The following ELP4 variants were observed in gnomAD, a reference collection of about 807,000 sequenced individuals.
The protein encoded by ELP4 is elongator complex protein 4.
In ELP4, 51 loss-of-function variants were observed where a neutral mutation model predicts 48.9. That is an observed-to-expected ratio of 1.04 (90% confidence interval 0.83 to 1.32). The LOEUF is 1.32. Ranked by LOEUF, ELP4 falls within the 40% of genes most tolerant of loss-of-function variation. The pLI is 0.00. For missense variants in ELP4, 519 were observed against 514.6 expected (o/e 1.01, Z -0.08); for synonymous variants, 210 against 189.2 (o/e 1.11, Z -0.90).
chr11:31,731,567 G>GGT (rs148076836), intron 9 of ELP4, among the ~76,000 whole-genome samples: 48,441 of 142,678 alleles, frequency 0.34, 8,763 homozygotes, highest in East Asian at 0.48. Flanking sequence ...CCATTAAGCA[G>GGT]GTGTGTGTGT....
At chr11:31,763,651 A>G (rs1466062909) in intron 9 of ELP4, 2 of 1,171,192 alleles carry the variant, frequency 1.7e-6, no homozygotes, top group Non-Finnish European at 2.3e-6. Context: ...GTGTTCACAT[A>G]CTGCTATTTA....
rs1056548740 is a variant in ELP4 at position 31,604,032 on chromosome 11, A to G, written c.653+125A>G. The G allele has an allele frequency of 1.3e-5, 9 of 683,708 alleles. No individual in the cohort carries two copies. The South Asian group carries it at 1.3e-4, about 10-fold the overall frequency. 42.4% of individuals were successfully genotyped at this position (683,708 alleles called of 1,614,324 possible). A position where few individuals can be genotyped will look rare whatever the true frequency, so the allele number is the denominator to read the frequency against. On this transcript the variant is annotated intron_variant, in intron 5 of 9. Transcript: ENST00000640961. ...TCATAATAATAAATATTAGTTTTCTATATAATTTGTAACTTCAAGTCTATG... is the reference window on the plus strand; with the variant it reads ...TCATAATAATAAATATTAGTTTTCTGTATAATTTGTAACTTCAAGTCTATG...
intron 9 of ELP4, among the ~76,000 whole-genome samples, chr11:31,674,699 T>C (rs187893335): frequency 1.3e-5 from 2 of 152,334 alleles, no homozygotes; most frequent in East Asian, 3.9e-4. Flanking sequence ...TAAAAGCCTC[T>C]TCCCTACAAC....
At chr11:31,638,963 G>C (rs1214650881) in intron 7 of ELP4, among the ~76,000 whole-genome samples, 1 of 151,670 alleles carries the variant, frequency 6.6e-6, no homozygotes, top group Non-Finnish European at 1.5e-5. Flanking sequence ...ATAAATTTTG[G>C]GAAAATATTT....
intron 3 of ELP4, among the ~76,000 whole-genome samples, chr11:31,552,505 C>T (rs1347535546): frequency 6.6e-6 from 1 of 152,158 alleles, no homozygotes; most frequent in Non-Finnish European, 1.5e-5. Context: ...CAAGCCTGTT[C>T]CTTTTTCAGC....
chr11:31,539,850 A>T, intron 3 of ELP4, 67 bp downstream of exon 3: 6 of 1,372,552 alleles, frequency 4.4e-6, no homozygotes, highest in Non-Finnish European at 5.9e-6. Flanking sequence ...TTATATATGT[A>T]AACAAGATAT....
intron 9 of ELP4, among the ~76,000 whole-genome samples, chr11:31,668,991 C>G (rs971785292): frequency 5.3e-5 from 8 of 152,160 alleles, no homozygotes; most frequent in Middle Eastern, 6.8e-3. Context: ...CCAGCCTCAC[C>G]TCTTGTCTCA....
intron 9 of ELP4, among the ~76,000 whole-genome samples, chr11:31,661,371 T>A (rs1002189098): frequency 2.0e-5 from 3 of 152,194 alleles, no homozygotes; most frequent in African/African-American, 7.2e-5. Context: ...CTATTTCAAG[T>A]AATCTTCTCT....
chr11:31,695,719 T>C (rs1407751785), intron 9 of ELP4, among the ~76,000 whole-genome samples: 1 of 147,062 alleles, frequency 6.8e-6, no homozygotes, highest in African/African-American at 2.5e-5. Flanking sequence ...TTTCTATTGA[T>C]TGGAATAGTT....
At chr11:31,524,515 T>G (rs1242967536) in intron 2 of ELP4, among the ~76,000 whole-genome samples, 1 of 152,178 alleles carries the variant, frequency 6.6e-6, no homozygotes, top group Non-Finnish European at 1.5e-5. Context: ...AATCTCTTGG[T>G]TAGAAGCAAG....
At chr11:31,569,542 G>C (rs2133953983) in intron 3 of ELP4, among the ~76,000 whole-genome samples, 1 of 152,268 alleles carries the variant, frequency 6.6e-6, no homozygotes. Context: ...CCTGAGGTCA[G>C]GAGTTCCAGA....
At chr11:31,624,391 T>C (rs1944695676) in intron 5 of ELP4, among the ~76,000 whole-genome samples, 1 of 151,692 alleles carries the variant, frequency 6.6e-6, no homozygotes, top group South Asian at 2.1e-4. Flanking sequence ...GTAATACAAG[T>C]ATTTGTGTTT....
chr11:31,623,378 T>TATATAAAA (rs1554965414), intron 5 of ELP4, among the ~76,000 whole-genome samples: 2 of 63,374 alleles, frequency 3.2e-5, no homozygotes, highest in African/African-American at 1.8e-4. Flanking sequence ...TATATATATA[T>TATATAAAA]ATATATATAT....
chr11:31,640,664 A>C (rs1257136544), intron 7 of ELP4, among the ~76,000 whole-genome samples: 1 of 152,008 alleles, frequency 6.6e-6, no homozygotes, highest in Non-Finnish European at 1.5e-5. Flanking sequence ...GATGATAGAA[A>C]ATAAAAGCTC....
chr11:31,630,363 C>G (rs1944836736), intron 6 of ELP4, among the ~76,000 whole-genome samples: 1 of 149,096 alleles, frequency 6.7e-6, no homozygotes, highest in African/African-American at 2.5e-5. Context: ...GAGTCTCACT[C>G]TGTCACCCAG....
intron 9 of ELP4, among the ~76,000 whole-genome samples, chr11:31,768,260 A>G (rs2134264857): frequency 6.6e-6 from 1 of 152,354 alleles, no homozygotes; most frequent in East Asian, 1.9e-4. Flanking sequence ...CACACACAAC[A>G]GCATTTATCA....
rs566577892 is a variant in ELP4, at chr11:31,673,079, C to T, written c.1143+22858C>T. On this transcript the variant is annotated intron_variant, in intron 9 of 9. Coordinates refer to ENST00000640961, the MANE Select transcript of ELP4 (RefSeq NM_019040.5). ...TCACCCAGGCTGGAGTGCAGTGGCACGATCTCAGCTCACTGCAACCTCCGC... is the reference window on the plus strand; with the variant it reads ...TCACCCAGGCTGGAGTGCAGTGGCATGATCTCAGCTCACTGCAACCTCCGC... Among the ~76,000 whole-genome samples, 13 of 150,070 alleles carry T rather than the reference C, an allele frequency of 8.7e-5. 1 individual carries two copies. Among genetic ancestry groups the T allele is most frequent in the African/African-American group, 2.7e-4 (11 of 40,884 alleles).
intron 4 of ELP4, chr11:31,599,636 T>A (rs1437618837): frequency 1.3e-5 from 2 of 152,578 alleles, no homozygotes; most frequent in Non-Finnish European, 2.9e-5. Flanking sequence ...CTCGGGAAAC[T>A]TACAATCATG....
intron 2 of ELP4, among the ~76,000 whole-genome samples, chr11:31,526,384 G>A (rs566945220): frequency 3.3e-5 from 5 of 152,028 alleles, no homozygotes; most frequent in South Asian, 4.2e-4. Flanking sequence ...GATCTCTAAC[G>A]TCAAGTAGGC....
Sources: gnomAD v4.1 joint callset for allele counts (sites outside exome capture counted in the v4.1 genomes callset) on GRCh38, gnomAD v4.1.1 for gene constraint, MANE v1.5 for transcripts, NCBI Gene and HGNC (gene_info 2026-07-23, HGNC 2026-07-21) for gene names.